Variants in HMCN1 observed in about 807,000 individuals in gnomAD.
HMCN1 encodes hemicentin 1.
In HMCN1, 321 loss-of-function variants were observed where a neutral mutation model predicts 625.9. The observed-to-expected ratio is 0.51, with a 90% CI of 0.47 to 0.56. The LOEUF (loss-of-function observed/expected upper bound fraction) is 0.56. HMCN1 is among the 20% of genes least tolerant of loss of function. The pLI, the probability that HMCN1 is intolerant of heterozygous loss-of-function variation, is 0.00. For synonymous variants in HMCN1, 2,425 were observed against 2,417.6 expected (o/e 1.00, Z -0.09); for missense variants, 6,588 against 6,887.3 (o/e 0.96, Z 1.54).
At chr1:185,812,020 A>T (rs2102247578) in intron 1 of HMCN1, among the ~76,000 whole-genome samples, 1 of 152,324 alleles carries the variant, frequency 6.6e-6, no homozygotes, top group Admixed American at 6.5e-5. Flanking sequence ...CTTAAGGCAG[A>T]TCCTCTCAAT....
chr1:186,056,284 G>A (rs1352041487), intron 45 of HMCN1, among the ~76,000 whole-genome samples: 2 of 151,988 alleles, frequency 1.3e-5, no homozygotes, highest in Non-Finnish European at 2.9e-5. Flanking sequence ...CTTGCAGTTT[G>A]CAGCCAACGT....
intron 86 of HMCN1, among the ~76,000 whole-genome samples, chr1:186,134,565 A>G (rs1649477794): frequency 6.6e-6 from 1 of 152,172 alleles, no homozygotes. Flanking sequence ...AATGCTTTAT[A>G]TGACATTTGC....
At position 186,160,275 on chromosome 1, in the gene HMCN1, A is replaced by G. The variant is rs373822941; in HGVS notation, c.15257-4836A>G. 7.6e-3 allele frequency among the ~76,000 whole-genome samples: 1,106 copies of G among 145,446 alleles called. 12 individuals are homozygous for G. Among genetic ancestry groups the G allele is most frequent in the African/African-American group, 0.027 (1,068 of 38,922 alleles). On this transcript the variant is annotated intron_variant, in intron 97 of 106. Transcript: ENST00000271588. ...TGGGATCGGTGGTGATATCCCCTTT[A>G]TCATTTTTTATTGCGTCTATTTGAT...
Position 186,048,822 on chromosome 1 carries a change from A to G in HMCN1, c.6560A>G (p.Tyr2187Cys), listed in dbSNP as rs138702288. 3.1e-6 allele frequency: 5 copies of G among 1,606,004 alleles called. No homozygotes were observed. Among genetic ancestry groups the G allele is most frequent in the Non-Finnish European group, 4.3e-6 (5 of 1,173,684 alleles). Reference protein sequence around the residue: ...TNVAGKTEKNYNVNIWVPPNI... With the variant: ...TNVAGKTEKNCNVNIWVPPNI... ...GTTGCTGGAAAAACTGAAAAAAACT[A>G]CAATGTCAACATTTGGGGTAAGTGT... The change falls in exon 42 of 107, where the codon TAC (tyrosine) becomes TGC (cysteine). Residue 2187 changes from tyrosine (Y) to cysteine (C), a missense_variant. This residue lies in a region of HMCN1 where 4,628 missense variants were observed against 4,853.1 expected (regional missense o/e 0.95). Transcript: ENST00000271588.
At chr1:185,969,136 A>G (rs1650623486) in intron 14 of HMCN1, among the ~76,000 whole-genome samples, 2 of 152,224 alleles carry the variant, frequency 1.3e-5, no homozygotes, top group Non-Finnish European at 2.9e-5. Context: ...CTTGATGACC[A>G]GTGAGGTCAG....
intron 34 of HMCN1, 65 bp downstream of exon 34, chr1:186,018,417 ACTC>A: frequency 7.2e-7 from 1 of 1,394,658 alleles, no homozygotes; most frequent in Non-Finnish European, 1.0e-6. Flanking sequence ...TTATTATCTA[ACTC>A]AGATTGTAGC....
At chr1:186,066,927 G>T (rs1027925698) in intron 49 of HMCN1, among the ~76,000 whole-genome samples, 2 of 152,098 alleles carry the variant, frequency 1.3e-5, no homozygotes, top group East Asian at 3.9e-4. Flanking sequence ...TTTTAAAAAT[G>T]TATACCTGTA....
chr1:185,947,010 G>A (rs1668382229), intron 11 of HMCN1, among the ~76,000 whole-genome samples: 1 of 152,114 alleles, frequency 6.6e-6, no homozygotes, highest in Admixed American at 6.5e-5. Context: ...CTTATTAACT[G>A]AATTTTATAA....
chr1:185,823,101 C>T (rs1660294235), intron 1 of HMCN1, among the ~76,000 whole-genome samples: 1 of 151,836 alleles, frequency 6.6e-6, no homozygotes. Flanking sequence ...ATGAGTATTT[C>T]TCTAAGGAAT....
chr1:185,867,331 C>G (rs1298319710), intron 4 of HMCN1, among the ~76,000 whole-genome samples: 1 of 152,064 alleles, frequency 6.6e-6, no homozygotes, highest in African/African-American at 2.4e-5. Context: ...AATTTGGGAA[C>G]CTGGGAAGAA....
chr1:185,896,242 A>C (rs970771089), intron 4 of HMCN1, among the ~76,000 whole-genome samples: 1 of 152,120 alleles, frequency 6.6e-6, no homozygotes, highest in Non-Finnish European at 1.5e-5. Context: ...GGCCAGTCTC[A>C]TTTAATAATT....
At chr1:185,908,304 T>C (rs1666211499) in intron 4 of HMCN1, among the ~76,000 whole-genome samples, 1 of 152,028 alleles carries the variant, frequency 6.6e-6, no homozygotes, top group Admixed American at 6.6e-5. Context: ...ACTTGAAATG[T>C]GACCACTTAC....
intron 97 of HMCN1, among the ~76,000 whole-genome samples, chr1:186,164,291 G>C (rs1651729073): frequency 1.4e-5 from 2 of 147,784 alleles, no homozygotes. Flanking sequence ...CCAGGCTGGA[G>C]TGCAGTGACG....
Position 185,997,469 on chromosome 1 carries a change from T to C in HMCN1, c.3819T>C (p.Thr1273=). The change falls in exon 25 of 107, where the codon ACT becomes ACC. Residue 1273 remains threonine, a synonymous_variant. Transcript: ENST00000271588. The part of the protein sequence containing the change: ...TVEDLEPPYN[T]TFQERVANQR... ...AAGATCTAGAACCTCCATATAACAC[T>C]ACTTTCCAAGAAAGAGTGGCCAATC... 6.2e-7 allele frequency: 1 copy of C among 1,612,788 alleles called. No homozygotes were observed. The highest frequency in any genetic ancestry group is 8.5e-7 in the Non-Finnish European group (1 of 1,179,186).
At chr1:186,161,673 C>G in intron 97 of HMCN1, among the ~76,000 whole-genome samples, 1 of 152,024 alleles carries the variant, frequency 6.6e-6, no homozygotes, top group East Asian at 1.9e-4. Context: ...TTCTCCTTCA[C>G]TTATGAAGCT....
intron 4 of HMCN1, among the ~76,000 whole-genome samples, chr1:185,867,496 G>T (rs1482755808): frequency 3.3e-5 from 5 of 152,206 alleles, no homozygotes; most frequent in African/African-American, 1.2e-4. Flanking sequence ...GCAGCATTAA[G>T]TGGGACTTAA....
At chr1:186,057,895 T>C (rs1657447843) in intron 46 of HMCN1, among the ~76,000 whole-genome samples, 1 of 152,048 alleles carries the variant, frequency 6.6e-6, no homozygotes, top group Non-Finnish European at 1.5e-5. Flanking sequence ...CATATAATTT[T>C]GTGGGAAAAT....
At chr1:185,783,194 C>T (rs1657272732) in intron 1 of HMCN1, among the ~76,000 whole-genome samples, 1 of 152,136 alleles carries the variant, frequency 6.6e-6, no homozygotes, top group South Asian at 2.1e-4. Flanking sequence ...TTTTCAGCTC[C>T]ATCAGGTCAT....
At chr1:185,994,725 G>A in intron 23 of HMCN1, 90 bp from the exon 24 acceptor site, 1 of 1,276,116 alleles carries the variant, frequency 7.8e-7, no homozygotes, top group Non-Finnish European at 1.1e-6. Flanking sequence ...CTTTTCCATG[G>A]CTGCCTGTTG....
Sources: allele counts gnomAD v4.1 joint callset (sites outside exome capture counted in the v4.1 genomes callset), GRCh38; gene constraint gnomAD v4.1.1; regional missense constraint gnomAD v4.1.1; transcripts MANE v1.5; gene names NCBI Gene and HGNC (gene_info 2026-07-23, HGNC 2026-07-21).